The following PIK3C2G variants were observed in gnomAD, a reference collection of about 807,000 sequenced individuals.
The protein encoded by PIK3C2G is phosphatidylinositol 3-kinase C2 domain-containing subunit gamma.
In PIK3C2G, 168 loss-of-function variants were observed where a neutral mutation model predicts 181.1. That is an observed-to-expected ratio of 0.93 (90% CI 0.82 to 1.05). The LOEUF (loss-of-function observed/expected upper bound fraction) is 1.05. PIK3C2G is among the 50% of genes least tolerant of loss of function. PIK3C2G has a pLI of 0.00. For synonymous variants in PIK3C2G, 573 were observed against 592.2 expected, an observed-to-expected ratio of 0.97 and a Z score of 0.47; for missense variants, 1,869 against 1,732.8, an observed-to-expected ratio of 1.08 and a Z score of -1.40.
At chr12:18,461,746 G>A (rs561406104) in intron 18 of PIK3C2G, among the ~76,000 whole-genome samples, 35 of 152,304 alleles carry the variant, frequency 2.3e-4, no homozygotes, top group African/African-American at 8.4e-4. Context: ...CTGTGAACCA[G>A]AAGCAGGCCA....
chr12:18,538,933 G>A (rs1944007806), intron 25 of PIK3C2G, among the ~76,000 whole-genome samples: 1 of 151,950 alleles, frequency 6.6e-6, no homozygotes, highest in South Asian at 2.1e-4. Context: ...TATGTACCAT[G>A]AGGGAAGAAA....
chr12:18,388,256 G>A (rs186141118), intron 14 of PIK3C2G, among the ~76,000 whole-genome samples: 15 of 151,816 alleles, frequency 9.9e-5, no homozygotes, highest in Admixed American at 2.6e-4. Flanking sequence ...TCTAACATAC[G>A]TATGTCTTTT....
At chr12:18,283,527 T>G (rs1306302748) in intron 2 of PIK3C2G, among the ~76,000 whole-genome samples, 1 of 152,164 alleles carries the variant, frequency 6.6e-6, no homozygotes, top group Admixed American at 6.6e-5. Flanking sequence ...AAACATATTG[T>G]GATATGCTAT....
the PIK3C2G span, chr12:18,701,809 A>G: frequency 4.5e-6 from 7 of 1,570,378 alleles, no homozygotes; most frequent in East Asian, 4.7e-5. Context: ...ACAATTACAC[A>G]TTTACAAGTA....
At chr12:18,560,619 A>C (rs1945296503) in intron 26 of PIK3C2G, among the ~76,000 whole-genome samples, 1 of 152,068 alleles carries the variant, frequency 6.6e-6, no homozygotes, top group South Asian at 2.1e-4. Flanking sequence ...AAAAAGAAAT[A>C]AAGGCACTGA....
In PIK3C2G at chr12:18,290,983, C is replaced by T. The variant is rs1426998268; in HGVS notation, c.890C>T (p.Ser297Leu). Residue 297 changes from serine to leucine, a missense_variant, in exon 4 of 33, where the codon TCA becomes TTA. Physicochemically the swap from Ser to Leu is moderately radical, Grantham distance 145. Coordinates refer to ENST00000538779, the MANE Select transcript of PIK3C2G (RefSeq NM_001288772.2). ...KFNIHIFIDN[S>L]TQPLHFMPCA... ...AATATACATATTTTTATTGATAACT[C>T]AACACAACCTCTTCATTTTATGCCA... is the stretch of plus-strand genomic sequence containing the variant. 6.3e-7 allele frequency: 1 copy of T among 1,599,872 alleles called. No individual in the cohort carries two copies. Among genetic ancestry groups the T allele is most frequent in the Non-Finnish European group, 8.6e-7 (1 of 1,168,034 alleles).
intron 29 of PIK3C2G, among the ~76,000 whole-genome samples, chr12:18,585,026 A>G (rs1226595829): frequency 6.6e-6 from 1 of 152,204 alleles, no homozygotes; most frequent in Non-Finnish European, 1.5e-5. Context: ...CCTGCCTTAC[A>G]AGAGATCGTG....
At chr12:18,591,469 C>T (rs1484376813) in intron 29 of PIK3C2G, among the ~76,000 whole-genome samples, 1 of 151,684 alleles carries the variant, frequency 6.6e-6, no homozygotes, top group Admixed American at 6.6e-5. Context: ...GAAAAGAGAA[C>T]ATGACAAACC....
chr12:18,243,706 GT>G (rs1565519329), upstream of PIK3C2G, among the ~76,000 whole-genome samples: 1 of 151,672 alleles, frequency 6.6e-6, no homozygotes, highest in Non-Finnish European at 1.5e-5. Context: ...TTTTTAATGC[GT>G]ACTCCCATTT....
chr12:18,345,526 C>T (rs1180403405), intron 10 of PIK3C2G, among the ~76,000 whole-genome samples: 3 of 152,168 alleles, frequency 2.0e-5, no homozygotes, highest in Non-Finnish European at 4.4e-5. Flanking sequence ...GAGGCACAGA[C>T]AGGATGTGGG....
intron 18 of PIK3C2G, among the ~76,000 whole-genome samples, chr12:18,434,216 T>C (rs2135781376): frequency 6.6e-6 from 1 of 152,270 alleles, no homozygotes; most frequent in East Asian, 1.9e-4. Flanking sequence ...AACTGACTTT[T>C]GGGAGACTTT....
chr12:18,313,071 A>C (rs532616723), intron 5 of PIK3C2G, among the ~76,000 whole-genome samples: 107 of 152,186 alleles, frequency 7.0e-4, no homozygotes, highest in Non-Finnish European at 5.7e-4. Flanking sequence ...AGGTCCTTTA[A>C]ACAATGTGCA....
chr12:18,317,310 C>T (rs1357439444), intron 6 of PIK3C2G, among the ~76,000 whole-genome samples: 1 of 151,924 alleles, frequency 6.6e-6, no homozygotes, highest in African/African-American at 2.4e-5. Flanking sequence ...TGTGCCTGGT[C>T]CAAGTCTTGA....
At chr12:18,391,392 A>C (rs1943523820) in intron 15 of PIK3C2G, 140 bp downstream of exon 15, 1 of 540,946 alleles carries the variant, frequency 1.8e-6, no homozygotes, top group Non-Finnish European at 3.1e-6. Context: ...TGCTTCTTGG[A>C]TGGTTAATTA....
At chr12:18,664,843 T>A in the PIK3C2G span, among the ~76,000 whole-genome samples, 4 of 151,554 alleles carry the variant, frequency 2.6e-5, no homozygotes, top group Admixed American at 2.0e-4. Flanking sequence ...AATGATGAGT[T>A]CATGTCCTTT....
intron 18 of PIK3C2G, among the ~76,000 whole-genome samples, chr12:18,438,911 T>G (rs529556617): frequency 7.2e-5 from 11 of 151,896 alleles, no homozygotes; most frequent in African/African-American, 2.7e-4. Flanking sequence ...ATATATATAA[T>G]ACGTATTTAT....
chr12:18,327,761 C>T (rs768279664), intron 8 of PIK3C2G, among the ~76,000 whole-genome samples: 40 of 151,892 alleles, frequency 2.6e-4, no homozygotes, highest in Non-Finnish European at 5.0e-4. Flanking sequence ...AGAATCCTCC[C>T]CCCCAAGGTA....
At chr12:18,377,422 T>C (rs1000107002) in intron 13 of PIK3C2G, among the ~76,000 whole-genome samples, 2 of 152,204 alleles carry the variant, frequency 1.3e-5, no homozygotes, top group Admixed American at 6.5e-5. Flanking sequence ...AATGGCATCA[T>C]ATTAAAAAGT....
intron 16 of PIK3C2G, among the ~76,000 whole-genome samples, chr12:18,415,788 C>A (rs1221490155): frequency 2.6e-5 from 4 of 152,168 alleles, no homozygotes; most frequent in Admixed American, 2.6e-4. Context: ...CTGCAAGGGA[C>A]AAAGTCGGAG....
Sources: gnomAD v4.1 joint callset for allele counts (sites outside exome capture counted in the v4.1 genomes callset) on GRCh38, gnomAD v4.1.1 for gene constraint, MANE v1.5 for transcripts, NCBI Gene and HGNC (gene_info 2026-07-23, HGNC 2026-07-21) for gene names.